The following CNTNAP5 variants were observed in gnomAD, a reference collection of about 807,000 sequenced individuals.
The protein encoded by CNTNAP5 is contactin associated protein family member 5, also known as contactin-associated protein-like 5.
A neutral mutation model predicts 150.2 loss-of-function variants in CNTNAP5; 72 were observed. The ratio of observed to expected loss-of-function variants is 0.48; its 90% CI spans 0.40 to 0.58. The LOEUF (loss-of-function observed/expected upper bound fraction) is 0.58, where lower values mean the gene tolerates loss of function less well. Among genes scored for constraint, CNTNAP5 ranks in the 20% least tolerant of loss-of-function variants. The probability of loss-of-function intolerance (pLI) is 0.00; values close to 1 mark genes in which losing one functional copy is unlikely to be tolerated. For missense variants in CNTNAP5, 1,636 were observed against 1,626.2 expected (o/e 1.01, Z -0.10); for synonymous variants, 672 against 619.8 (o/e 1.08, Z -1.25).
At chr2:124,440,779 C>T (rs1228415513) in intron 5 of CNTNAP5, among the ~76,000 whole-genome samples, 1 of 151,986 alleles carries the variant, frequency 6.6e-6, no homozygotes, top group African/African-American at 2.4e-5. Flanking sequence ...TTATCTATTT[C>T]TGTCCCAAAA....
At chr2:124,737,664 A>G (rs1680414938) in intron 13 of CNTNAP5, among the ~76,000 whole-genome samples, 1 of 152,178 alleles carries the variant, frequency 6.6e-6, no homozygotes, top group South Asian at 2.1e-4. Context: ...CCTTACTTTA[A>G]AAGTCCCTTT....
At chr2:124,597,727 C>T (rs1417994295) in intron 11 of CNTNAP5, among the ~76,000 whole-genome samples, 2 of 151,934 alleles carry the variant, frequency 1.3e-5, no homozygotes, top group Admixed American at 6.6e-5. Flanking sequence ...TGGATAATAT[C>T]CTGCAGAGTG....
chr2:124,706,795 A>AAGAAGGAGGAGGAGG (rs1553433527), intron 13 of CNTNAP5, among the ~76,000 whole-genome samples: 1 of 18,880 alleles, frequency 5.3e-5, no homozygotes, highest in African/African-American at 2.0e-4. Context: ...GAAGAAGAAG[A>AAGAAGGAGGAGGAGG]AGGAGGAGGA....
chr2:124,263,085 T>C (rs1687502970), intron 3 of CNTNAP5, among the ~76,000 whole-genome samples: 1 of 152,182 alleles, frequency 6.6e-6, no homozygotes, highest in South Asian at 2.1e-4. Flanking sequence ...GTCTTTGCTA[T>C]TGTGAATAGT....
chr2:124,836,598 T>C (rs1682834499), intron 19 of CNTNAP5, among the ~76,000 whole-genome samples: 1 of 152,064 alleles, frequency 6.6e-6, no homozygotes, highest in Non-Finnish European at 1.5e-5. Context: ...ACCTCCCAGC[T>C]CTATGTGAAT....
chr2:124,115,122 A>G (rs977309259), intron 1 of CNTNAP5, among the ~76,000 whole-genome samples: 11 of 152,066 alleles, frequency 7.2e-5, no homozygotes, highest in Non-Finnish European at 1.0e-4. Flanking sequence ...TCTTTTTTAC[A>G]TATTACTAGA....
At chr2:124,670,353 T>A (rs999930031) in intron 13 of CNTNAP5, among the ~76,000 whole-genome samples, 4 of 152,154 alleles carry the variant, frequency 2.6e-5, no homozygotes, top group African/African-American at 9.7e-5. Context: ...ATGTACTTGC[T>A]GGCCATCTGT....
chr2:124,287,902 C>T (rs142714001), intron 3 of CNTNAP5, among the ~76,000 whole-genome samples: 572 of 152,142 alleles, frequency 3.8e-3, no homozygotes, highest in South Asian at 0.02. Context: ...ATAAAGACTA[C>T]GGATTGTATA....
intron 13 of CNTNAP5, among the ~76,000 whole-genome samples, chr2:124,657,380 C>A (rs1280950832): frequency 1.3e-5 from 2 of 152,006 alleles, no homozygotes; most frequent in African/African-American, 4.8e-5. Context: ...AGACCAAAAC[C>A]TACGATTCCT....
At chr2:124,367,558 C>T (rs1457806969) in intron 3 of CNTNAP5, among the ~76,000 whole-genome samples, 1 of 152,112 alleles carries the variant, frequency 6.6e-6, no homozygotes, top group Non-Finnish European at 1.5e-5. Flanking sequence ...TGGGTGGGGA[C>T]ACAGCCAAAC....
At chr2:124,167,230 C>A (rs1393604083) in intron 1 of CNTNAP5, among the ~76,000 whole-genome samples, 6 of 152,242 alleles carry the variant, frequency 3.9e-5, no homozygotes, top group African/African-American at 1.2e-4. Flanking sequence ...TTTGGGAAAA[C>A]CACACATAAT....
chr2:124,347,528 G>C (rs948386894), intron 3 of CNTNAP5, among the ~76,000 whole-genome samples: 1 of 151,774 alleles, frequency 6.6e-6, no homozygotes, highest in Non-Finnish European at 1.5e-5. Context: ...TGCTCCACAT[G>C]GGGTGATTCC....
chr2:124,096,847 G>A (rs1202812290), intron 1 of CNTNAP5, among the ~76,000 whole-genome samples: 1 of 151,880 alleles, frequency 6.6e-6, no homozygotes, highest in African/African-American at 2.4e-5. Context: ...GGGACTACAG[G>A]AGCACACCAC....
Position 124,531,986 on chromosome 2 carries a change from A to G in CNTNAP5, c.1649+4530A>G, listed in dbSNP as rs571803417. 2.6e-5 allele frequency among the ~76,000 whole-genome samples: 4 copies of G among 152,280 alleles called. No individual in the cohort carries two copies. In the South Asian group the frequency reaches 8.3e-4, roughly 32 times the overall value. ...GGGAGGACAAGGAGTGAACTGATAT[A>G]AAGTTCTGCCAGGAATTCTCAATGG... On this transcript the variant is annotated intron_variant, in intron 10 of 23. Coordinates refer to ENST00000682447, the MANE Select transcript of CNTNAP5 (RefSeq NM_001367498.1).
chr2:124,507,940 G>A (rs767054477), intron 8 of CNTNAP5, among the ~76,000 whole-genome samples: 1 of 152,144 alleles, frequency 6.6e-6, no homozygotes, highest in African/African-American at 2.4e-5. Flanking sequence ...ATTGAAAATG[G>A]CATCTCGTCA....
At chr2:124,426,259 G>A (rs961233819) in intron 4 of CNTNAP5, among the ~76,000 whole-genome samples, 6 of 152,062 alleles carry the variant, frequency 3.9e-5, no homozygotes, top group African/African-American at 9.7e-5. Context: ...AGCTATGTTA[G>A]GAGTTGTCAC....
At chr2:124,521,520 C>T (rs973245383) in intron 8 of CNTNAP5, among the ~76,000 whole-genome samples, 2 of 152,180 alleles carry the variant, frequency 1.3e-5, no homozygotes, top group African/African-American at 4.8e-5. Context: ...TCCCATTGAG[C>T]AGACCTCTCC....
At chr2:124,324,251 C>T (rs1689164470) in intron 3 of CNTNAP5, among the ~76,000 whole-genome samples, 1 of 152,084 alleles carries the variant, frequency 6.6e-6, no homozygotes, top group African/African-American at 2.4e-5. Context: ...CCCTGAAGAC[C>T]TGAACCAACT....
At chr2:124,778,946 T>A (rs1285189707) in intron 17 of CNTNAP5, among the ~76,000 whole-genome samples, 1 of 152,118 alleles carries the variant, frequency 6.6e-6, no homozygotes, top group Non-Finnish European at 1.5e-5. Flanking sequence ...AGGTAAGAAG[T>A]GCCATGCTCC....
Sources: allele counts gnomAD v4.1 joint callset (sites outside exome capture counted in the v4.1 genomes callset), GRCh38; gene constraint gnomAD v4.1.1; transcripts MANE v1.5; gene names NCBI Gene and HGNC (gene_info 2026-07-23, HGNC 2026-07-21).